The following HADHB variants were observed in gnomAD, a reference collection of about 807,000 sequenced individuals.
HADHB encodes trifunctional enzyme subunit beta, mitochondrial.
A neutral mutation model predicts 61.9 loss-of-function variants in HADHB; 50 were observed. The ratio of observed to expected loss-of-function variants is 0.81; its 90% CI spans 0.64 to 1.02. The LOEUF is 1.02. Among genes scored for constraint, HADHB ranks in the 50% least tolerant of loss-of-function variants. The probability of loss-of-function intolerance (pLI) is 0.00; values close to 1 mark genes in which losing one functional copy is unlikely to be tolerated. For synonymous variants in HADHB, 191 were observed against 201.6 expected (o/e 0.95, Z 0.45); for missense variants, 504 against 586.5 (o/e 0.86, Z 1.45).
intron 1 of HADHB, among the ~76,000 whole-genome samples, chr2:26,247,962 TA>T (rs1262521290): frequency 1.3e-5 from 2 of 152,142 alleles, no homozygotes; most frequent in Non-Finnish European, 2.9e-5. Context: ...ATGCTTATTT[TA>T]AAAAAATTAA....
chr2:26,249,456 A>C (rs1223422338), intron 1 of HADHB, among the ~76,000 whole-genome samples: 2 of 152,122 alleles, frequency 1.3e-5, no homozygotes, highest in Non-Finnish European at 2.9e-5. Context: ...GGTTGCAGTG[A>C]GCCAAGATCG....
At chr2:26,257,109 CCTT>C (rs1241340365) in intron 3 of HADHB, among the ~76,000 whole-genome samples, 1 of 151,570 alleles carries the variant, frequency 6.6e-6, no homozygotes, top group Non-Finnish European at 1.5e-5. Flanking sequence ...TAAGAGCTCC[CCTT>C]CTTTTTTTTT....
At chr2:26,250,500 G>A (rs1288217637) in intron 1 of HADHB, among the ~76,000 whole-genome samples, 2 of 151,982 alleles carry the variant, frequency 1.3e-5, no homozygotes, top group African/African-American at 4.8e-5. Context: ...TCTGGGTTTT[G>A]TGCCATATGT....
intron 10 of HADHB, among the ~76,000 whole-genome samples, chr2:26,282,146 AAAAT>A (rs1380674217): frequency 6.6e-6 from 1 of 152,118 alleles, no homozygotes; most frequent in African/African-American, 2.4e-5. Context: ...AGAAAATGTA[AAAAT>A]AAATAAATAA....
chr2:26,255,965 T>A (rs1216387158), intron 3 of HADHB, among the ~76,000 whole-genome samples: 1 of 152,230 alleles, frequency 6.6e-6, no homozygotes, highest in African/African-American at 2.4e-5. Flanking sequence ...CCTTGCCAAG[T>A]GGGAGAAGGT....
chr2:26,254,432 A>G lies in HADHB; in HGVS notation c.67A>G (p.Ile23Val), dbSNP rs761139282. ...AAACAGTTTATTTTGTCTTCCAGCC[A>G]TAAGACCTCTGAGCTGTTCCTCCCA... ...TASKWALRFSIRPLSCSSQLR... is the reference protein window; with the variant it reads ...TASKWALRFSVRPLSCSSQLR... Residue 23 changes from isoleucine to valine, a missense_variant and splice_region_variant, in exon 3 of 16, where the codon ATA becomes GTA. Coordinates refer to ENST00000317799, the MANE Select transcript of HADHB (RefSeq NM_000183.3). 43 of 1,603,626 alleles carry G rather than the reference A, an allele frequency of 2.7e-5. No individual in the cohort carries two copies. The highest frequency in any genetic ancestry group is 3.4e-5 in the Non-Finnish European group (40 of 1,170,486).
At position 26,263,337 on chromosome 2, in the gene HADHB, A is replaced by G. The variant is rs534682304; in HGVS notation, c.110-43A>G. 108 of 1,115,348 alleles carry G rather than the reference A, an allele frequency of 9.7e-5. No individual in the cohort carries two copies. The East Asian group carries it at 1.8e-3, about 19-fold the overall frequency. The allele number at this position is 1,115,348 out of a possible 1,614,324, so 69.1% of individuals were successfully genotyped here. On this transcript the variant is annotated intron_variant, in intron 3 of 15. Coordinates refer to ENST00000317799, the MANE Select transcript of HADHB (RefSeq NM_000183.3). ...AAAAGTAAAAGTCATCAGACTTTAT[A>G]TATTTTAATTAGTAGTTTTTGTTTT...
chr2:26,262,120 T>A (rs1042258317), intron 3 of HADHB, among the ~76,000 whole-genome samples: 4 of 152,192 alleles, frequency 2.6e-5, no homozygotes, highest in Non-Finnish European at 4.4e-5. Flanking sequence ...TAACTCTCAC[T>A]AATATTTCTT....
Position 26,289,946 on chromosome 2 carries a change from C to T in HADHB, c.1418C>T (p.Pro473Leu), listed in dbSNP as rs756917005. ...CATGCTATGATAGTGGAAGCTTATCCAAAATAATAGATCCAGAAGAAGTGA... is the reference window on the plus strand; with the variant it reads ...CATGCTATGATAGTGGAAGCTTATCTAAAATAATAGATCCAGAAGAAGTGA... Reference protein sequence around the residue: ...QGHAMIVEAYPK With the variant: ...QGHAMIVEAYLK Residue 473 changes from proline to leucine, a missense_variant, in exon 16 of 16, where the codon CCA becomes CTA. Coordinates refer to ENST00000317799, the MANE Select transcript of HADHB (RefSeq NM_000183.3). 19 of 1,606,750 alleles carry T rather than the reference C, an allele frequency of 1.2e-5. No homozygotes were observed. Among genetic ancestry groups the T allele is most frequent in the Admixed American group, 1.7e-5 (1 of 60,002 alleles).
chr2:26,281,151 T>TGTA (rs35321285), intron 10 of HADHB, among the ~76,000 whole-genome samples: 26,643 of 151,798 alleles, frequency 0.18, 2,740 homozygotes, highest in Middle Eastern at 0.26. Context: ...CTTATCAACA[T>TGTA]GTAGCTTCAT....
At chr2:26,272,422 T>C (rs1437674235) in intron 5 of HADHB, among the ~76,000 whole-genome samples, 1 of 150,822 alleles carries the variant, frequency 6.6e-6, no homozygotes, top group African/African-American at 2.4e-5. Flanking sequence ...CTCGGCTCAC[T>C]GCAGCCTCCG....
chr2:26,260,887 A>T, intron 3 of HADHB: 1 of 647,110 alleles, frequency 1.5e-6, no homozygotes, highest in East Asian at 2.7e-5. Flanking sequence ...ACTCTGGCTT[A>T]CGAATGACAT....
chr2:26,246,649 C>T (rs1032561935), intron 1 of HADHB, among the ~76,000 whole-genome samples: 1 of 152,108 alleles, frequency 6.6e-6, no homozygotes, highest in Non-Finnish European at 1.5e-5. Flanking sequence ...CCTTACAACT[C>T]TTTAAAAATG....
chr2:26,251,230 C>G (rs1385112223), intron 1 of HADHB, among the ~76,000 whole-genome samples: 1 of 151,984 alleles, frequency 6.6e-6, no homozygotes, highest in African/African-American at 2.4e-5. Context: ...CTCTGTTGCC[C>G]AGGCTTGAGT....
chr2:26,263,330 A>C (rs1285149331), intron 3 of HADHB, 50 bp from the exon 4 acceptor site: 4 of 1,051,220 alleles, frequency 3.8e-6, no homozygotes, highest in East Asian at 2.5e-5. Flanking sequence ...AAGTCATCAG[A>C]CTTTATATAT....
intron 7 of HADHB, 68 bp downstream of exon 7, chr2:26,277,228 ATGTAC>A: frequency 1.3e-6 from 1 of 749,470 alleles, no homozygotes; most frequent in Non-Finnish European, 2.2e-6. Flanking sequence ...GATTATAAAA[ATGTAC>A]TTTTTTTTTT....
chr2:26,264,401 T>A (rs963913061), intron 4 of HADHB, among the ~76,000 whole-genome samples: 6 of 151,366 alleles, frequency 4.0e-5, no homozygotes, highest in Non-Finnish European at 8.8e-5. Context: ...ATAAAAAATA[T>A]TAGCTGGGCA....
intron 1 of HADHB, among the ~76,000 whole-genome samples, chr2:26,251,541 T>G (rs1018173734): frequency 6.0e-4 from 91 of 152,154 alleles, no homozygotes; most frequent in African/African-American, 2.1e-3. Flanking sequence ...TTTTCAACAT[T>G]TTCTTGACAA....
At chr2:26,286,160 AG>A (rs1448716873) in intron 15 of HADHB, among the ~76,000 whole-genome samples, 1 of 152,204 alleles carries the variant, frequency 6.6e-6, no homozygotes, top group Non-Finnish European at 1.5e-5. Context: ...ATATATGAAA[AG>A]TATATAGAAA....
Sources: gnomAD v4.1 joint callset for allele counts (sites outside exome capture counted in the v4.1 genomes callset) on GRCh38, gnomAD v4.1.1 for gene constraint, MANE v1.5 for transcripts, NCBI Gene and HGNC (gene_info 2026-07-23, HGNC 2026-07-21) for gene names.